HMBOX1: variants seen among roughly 807,000 people sequenced by gnomAD.
HMBOX1 encodes the protein homeobox-containing protein 1.
Under a neutral mutation model 54.5 loss-of-function variants are expected in HMBOX1, and 14 were observed. That is an observed-to-expected ratio of 0.26 (90% CI 0.17 to 0.40). The LOEUF (loss-of-function observed/expected upper bound fraction) is 0.40. Ranked by LOEUF, HMBOX1 falls within the 10% of genes least tolerant of loss-of-function variation. The probability of loss-of-function intolerance (pLI) is 1.00; values close to 1 mark genes in which losing one functional copy is unlikely to be tolerated. For missense variants in HMBOX1, 332 were observed against 514.4 expected, an observed-to-expected ratio of 0.65 and a Z score of 3.43; for synonymous variants, 160 against 181.0, an observed-to-expected ratio of 0.88 and a Z score of 0.93.
intron 5 of HMBOX1, among the ~76,000 whole-genome samples, chr8:29,016,225 G>C (rs1226028865): frequency 6.6e-6 from 1 of 152,154 alleles, no homozygotes; most frequent in Non-Finnish European, 1.5e-5. Context: ...ATTGCATTCT[G>C]TATGACTAGC....
intron 1 of HMBOX1, among the ~76,000 whole-genome samples, chr8:28,912,503 GTATACCCTCA>G (rs1464196660): frequency 6.6e-6 from 1 of 152,152 alleles, no homozygotes; most frequent in Non-Finnish European, 1.5e-5. Flanking sequence ...AGAATCTGGT[GTATACCCTCA>G]TTAATCTCCA....
chr8:28,928,757 T>C (rs1370718274), intron 1 of HMBOX1, among the ~76,000 whole-genome samples: 1 of 152,206 alleles, frequency 6.6e-6, no homozygotes, highest in South Asian at 2.1e-4. Flanking sequence ...TGGATGGACC[T>C]GGAGGACATT....
chr8:28,897,030 G>C (rs1286896619), intron 1 of HMBOX1, among the ~76,000 whole-genome samples: 2 of 150,098 alleles, frequency 1.3e-5, no homozygotes, highest in African/African-American at 4.9e-5. Flanking sequence ...TGTTACCCAG[G>C]CTGGAGTACA....
chr8:28,981,638 A>G (rs1327891424), intron 4 of HMBOX1, among the ~76,000 whole-genome samples: 1 of 152,054 alleles, frequency 6.6e-6, no homozygotes, highest in Admixed American at 6.5e-5. Flanking sequence ...TTTTTCAGGT[A>G]GAAGCATTTC....
intron 1 of HMBOX1, among the ~76,000 whole-genome samples, chr8:28,945,800 AG>A (rs981569187): frequency 2.0e-5 from 3 of 151,816 alleles, no homozygotes; most frequent in African/African-American, 2.4e-5. Context: ...CATGGGGAAA[AG>A]GTTTTTTTTT....
rs569310596 is a variant in HMBOX1, at chr8:29,011,916, A to T, written c.697+2734A>T. Among the ~76,000 whole-genome samples, 186 of 152,242 alleles carry T rather than the reference A, an allele frequency of 1.2e-3. 2 individuals carry two copies. The highest frequency in any genetic ancestry group is 4.1e-3 in the African/African-American group (172 of 41,542). On this transcript the variant is annotated intron_variant, in intron 5 of 9. Transcript: ENST00000287701. ...TTAAGACGTTCCTCTAATTATATGC[A>T]TTTGTTTTTCAGTAAGATTGCATTA... is the stretch of plus-strand genomic sequence containing the variant.
intron 1 of HMBOX1, among the ~76,000 whole-genome samples, chr8:28,928,120 C>G (rs553938905): frequency 8.4e-4 from 127 of 150,492 alleles, no homozygotes; most frequent in Admixed American, 1.9e-3. Context: ...GGTGACAGAT[C>G]AAGACTCCGT....
intron 1 of HMBOX1, among the ~76,000 whole-genome samples, chr8:28,927,831 CAAAAAAAAAAA>C (rs34952149): frequency 5.7e-5 from 3 of 52,750 alleles, no homozygotes; most frequent in African/African-American, 2.5e-4. Flanking sequence ...AACTCAGTCT[CAAAAAAAAAAA>C]AAAAAAAAAA....
intron 1 of HMBOX1, among the ~76,000 whole-genome samples, chr8:28,938,487 G>A (rs113148895): frequency 0.01 from 1,535 of 152,166 alleles, 16 homozygotes; most frequent in Non-Finnish European, 0.015. Flanking sequence ...AGCTTAGACT[G>A]GAATACAGTG....
chr8:28,897,910 GT>G (rs1186432325), intron 1 of HMBOX1, among the ~76,000 whole-genome samples: 1 of 152,160 alleles, frequency 6.6e-6, no homozygotes, highest in Non-Finnish European at 1.5e-5. Flanking sequence ...AAGGAAGTTA[GT>G]TCAAAGATAT....
intron 6 of HMBOX1, among the ~76,000 whole-genome samples, chr8:29,041,847 A>T (rs1804876818): frequency 6.6e-6 from 1 of 152,168 alleles, no homozygotes; most frequent in Non-Finnish European, 1.5e-5. Flanking sequence ...CCTCTATAAT[A>T]AACCTTTGAG....
At chr8:28,917,481 C>A (rs2131740131) in intron 1 of HMBOX1, among the ~76,000 whole-genome samples, 1 of 152,198 alleles carries the variant, frequency 6.6e-6, no homozygotes, top group East Asian at 1.9e-4. Flanking sequence ...TTCTACATGA[C>A]AATCACATTG....
At chr8:28,964,874 T>A (rs904264487) in intron 2 of HMBOX1, among the ~76,000 whole-genome samples, 1 of 152,172 alleles carries the variant, frequency 6.6e-6, no homozygotes, top group African/African-American at 2.4e-5. Flanking sequence ...CCCCACTTTT[T>A]AAAAAAATTT....
intron 4 of HMBOX1, among the ~76,000 whole-genome samples, chr8:28,996,031 G>A (rs550000869): frequency 5.3e-5 from 8 of 152,020 alleles, no homozygotes; most frequent in Admixed American, 2.0e-4. Flanking sequence ...GCGTGAACCC[G>A]GGAGGCAGAG....
intron 1 of HMBOX1, among the ~76,000 whole-genome samples, chr8:28,950,594 G>T (rs1321003960): frequency 6.6e-6 from 1 of 152,162 alleles, no homozygotes; most frequent in Non-Finnish European, 1.5e-5. Context: ...ACCACAGATT[G>T]TACAGTTACA....
chr8:28,981,875 T>G (rs1829393469), intron 4 of HMBOX1, among the ~76,000 whole-genome samples: 2 of 152,350 alleles, frequency 1.3e-5, no homozygotes, highest in South Asian at 4.1e-4. Context: ...TTTCCCATCT[T>G]GCTGTTCAAA....
chr8:28,985,080 A>G (rs891241076), intron 4 of HMBOX1, among the ~76,000 whole-genome samples: 1 of 152,180 alleles, frequency 6.6e-6, no homozygotes, highest in African/African-American at 2.4e-5. Flanking sequence ...GTATAAGATA[A>G]AGGACTTTGA....
At chr8:28,987,165 C>T (rs1300883062) in intron 4 of HMBOX1, among the ~76,000 whole-genome samples, 1 of 152,088 alleles carries the variant, frequency 6.6e-6, no homozygotes, top group Non-Finnish European at 1.5e-5. Context: ...AAATGATATC[C>T]TACCACAAGC....
At chr8:28,952,276 C>G (rs1310122010) in intron 1 of HMBOX1, among the ~76,000 whole-genome samples, 1 of 152,042 alleles carries the variant, frequency 6.6e-6, no homozygotes, top group Non-Finnish European at 1.5e-5. Context: ...CACTGTCACC[C>G]ACGCTGGAGT....
Sources: gnomAD v4.1 joint callset for allele counts (sites outside exome capture counted in the v4.1 genomes callset) on GRCh38, gnomAD v4.1.1 for gene constraint, MANE v1.5 for transcripts, NCBI Gene and HGNC (gene_info 2026-07-23, HGNC 2026-07-21) for gene names.